The following HECTD2 variants were observed in gnomAD, a reference collection of about 807,000 sequenced individuals.
HECTD2 encodes HECT domain E3 ubiquitin protein ligase 2.
In HECTD2, 35 loss-of-function variants were observed where a neutral mutation model predicts 103.2. That is an observed-to-expected ratio of 0.34 (90% CI 0.26 to 0.45). HECTD2 has a LOEUF of 0.45. Ranked by LOEUF, HECTD2 falls within the 20% of genes least tolerant of loss-of-function variation. HECTD2 has a pLI of 1.00. For synonymous variants in HECTD2, 281 were observed against 329.9 expected (o/e 0.85, Z 1.61); for missense variants, 596 against 937.4 (o/e 0.64, Z 4.76).
intron 5 of HECTD2, among the ~76,000 whole-genome samples, chr10:91,464,074 C>T (rs1845448025): frequency 6.6e-6 from 1 of 152,170 alleles, no homozygotes; most frequent in African/African-American, 2.4e-5. Context: ...TTATGATCTT[C>T]AGCAGAATGA....
At position 91,478,210 on chromosome 10, in the gene HECTD2, G is replaced by A. The variant is rs369284664; in HGVS notation, c.610G>A (p.Val204Ile). 5.8e-5 allele frequency: 93 copies of A among 1,609,068 alleles called. 1 individual carries two copies. Among genetic ancestry groups the A allele is most frequent in the Admixed American group, 6.7e-5 (4 of 59,974 alleles). ...TTTCTTTTGCCTACAGCCTCAAGAC[G>A]TTCAGAAGACAGTATTAAAGGGAAT... is the stretch of plus-strand genomic sequence containing the variant. ...YDTLLNTPQD[V>I]QKTVLKGIIN... is the part of the protein sequence containing the mutation. Residue 204 changes from valine to isoleucine, a missense_variant, in exon 6 of 21, where the codon GTT (valine) becomes ATT (isoleucine). Val to Ile is a conservative substitution (Grantham distance 29). Transcript: ENST00000298068.
intron 4 of HECTD2, 78 bp from the exon 5 acceptor site, chr10:91,462,017 G>T: frequency 1.9e-6 from 2 of 1,031,808 alleles, no homozygotes; most frequent in Non-Finnish European, 2.8e-6. Flanking sequence ...AAATTATGAA[G>T]GAATAGTATG....
At chr10:91,492,695 A>G (rs1156265271) in intron 13 of HECTD2, among the ~76,000 whole-genome samples, 1 of 152,176 alleles carries the variant, frequency 6.6e-6, no homozygotes, top group South Asian at 2.1e-4. Flanking sequence ...ATCCTACACA[A>G]AATGTATCAA....
At chr10:91,495,338 TC>T (rs1846627167) in intron 14 of HECTD2, among the ~76,000 whole-genome samples, 1 of 152,046 alleles carries the variant, frequency 6.6e-6, no homozygotes, top group South Asian at 2.1e-4. Flanking sequence ...GTATTGTGTT[TC>T]TAATACAATT....
upstream of HECTD2, among the ~76,000 whole-genome samples, chr10:91,409,737 G>T (rs756431313): frequency 6.6e-6 from 1 of 152,170 alleles, no homozygotes; most frequent in African/African-American, 2.4e-5. Context: ...TCCCCGGGCT[G>T]CGCAAGCTCC....
At chr10:91,426,392 A>G (rs1220144711) in intron 2 of HECTD2, among the ~76,000 whole-genome samples, 2 of 152,104 alleles carry the variant, frequency 1.3e-5, no homozygotes, top group East Asian at 1.9e-4. Context: ...TTTCTGGTAA[A>G]TCACCCATGT....
At chr10:91,418,389 T>C (rs954369384) in intron 1 of HECTD2, among the ~76,000 whole-genome samples, 2 of 152,242 alleles carry the variant, frequency 1.3e-5, no homozygotes, top group Non-Finnish European at 2.9e-5. Flanking sequence ...GCTTCAGGAC[T>C]AATGTTTGTA....
At chr10:91,465,556 T>C (rs948092007) in intron 5 of HECTD2, among the ~76,000 whole-genome samples, 4 of 151,332 alleles carry the variant, frequency 2.6e-5, no homozygotes, top group African/African-American at 7.3e-5. Context: ...ATGTTAGCTG[T>C]AGGGTTTTTT....
chr10:91,503,279 AT>A (rs1320419460), intron 20 of HECTD2, among the ~76,000 whole-genome samples: 2 of 152,210 alleles, frequency 1.3e-5, no homozygotes, highest in Non-Finnish European at 2.9e-5. Context: ...AGGAGCCAAG[AT>A]GGCCGAATAG....
Position 91,462,132 on chromosome 10 carries a change from C to G in HECTD2, c.548C>G (p.Ser183Cys), listed in dbSNP as rs749067341. The G allele has an allele frequency of 6.3e-7, 1 of 1,597,328 alleles. No individual in the cohort carries two copies. The highest frequency in any genetic ancestry group is 8.6e-7 in the Non-Finnish European group (1 of 1,166,674). Reference sequence around the variant, plus strand: ...GCCTCATTTAACACCATTGAAGACTCTGGGATTAATGCTAAATTTGTGAAT... The same window carrying G: ...GCCTCATTTAACACCATTGAAGACTGTGGGATTAATGCTAAATTTGTGAAT... ...ATASFNTIED[S>C]GINAKFVNAV... Residue 183 changes from serine (S) to cysteine (C), a missense_variant, in exon 5 of 21, where the codon TCT becomes TGT. Physicochemically the swap from Ser to Cys is moderately radical, Grantham distance 112. Around this residue, in one of 4 missense-constraint regions of HECTD2, gnomAD observed 303 missense variants for 522.5 expected, o/e 0.58. Transcript: ENST00000298068.
intron 5 of HECTD2, chr10:91,463,570 A>G (rs1357869886): frequency 6.6e-6 from 1 of 152,156 alleles, no homozygotes; most frequent in African/African-American, 2.4e-5. Flanking sequence ...GGAGAGTTTT[A>G]TCTCCTTCTA....
At position 91,487,409 on chromosome 10, in the gene HECTD2, A is replaced by T; in HGVS notation, c.1095-273A>T. Reference sequence around the variant, plus strand: ...ACAGGTGATGATATACAATGAAATTATTTGTATAGACAATGTAAGTGGTTA... The same window carrying T: ...ACAGGTGATGATATACAATGAAATTTTTTGTATAGACAATGTAAGTGGTTA... On this transcript the variant is annotated intron_variant, in intron 10 of 20. Coordinates refer to ENST00000298068, the MANE Select transcript of HECTD2 (RefSeq NM_182765.6). This position sits in a 1 kb window ranked among gnomAD's most constrained non-coding sequence, Gnocchi z 4.1. The T allele has an allele frequency of 2.5e-6, 1 of 400,398 alleles. No homozygotes were observed. The highest frequency in any genetic ancestry group is 4.7e-6 in the Non-Finnish European group (1 of 212,410). 24.8% of individuals were successfully genotyped at this position (400,398 alleles called of 1,614,324 possible).
intron 2 of HECTD2, among the ~76,000 whole-genome samples, chr10:91,447,691 T>A: frequency 4.3e-5 from 2 of 46,224 alleles, no homozygotes; most frequent in Non-Finnish European, 8.2e-5. Flanking sequence ...CCCACACAAA[T>A]GGAAAGCAAA....
At chr10:91,502,625 T>C (rs1016123894) in intron 20 of HECTD2, among the ~76,000 whole-genome samples, 1 of 152,094 alleles carries the variant, frequency 6.6e-6, no homozygotes, top group African/African-American at 2.4e-5. Context: ...TATAATTAAA[T>C]TTCTAAACAA....
At chr10:91,419,705 C>A (rs183867907) in intron 1 of HECTD2, among the ~76,000 whole-genome samples, 86 of 152,090 alleles carry the variant, frequency 5.7e-4, no homozygotes, top group Middle Eastern at 6.8e-3. Context: ...TTGAGTATTT[C>A]TTTCCCTCAA....
intron 20 of HECTD2, among the ~76,000 whole-genome samples, chr10:91,508,786 A>T (rs1847300620): frequency 6.6e-6 from 1 of 151,918 alleles, no homozygotes; most frequent in Non-Finnish European, 1.5e-5. Flanking sequence ...ATATACCCAA[A>T]GGACTATAAA....
intron 15 of HECTD2, among the ~76,000 whole-genome samples, chr10:91,497,478 T>C (rs1174840722): frequency 8.5e-6 from 1 of 117,868 alleles, no homozygotes; most frequent in Non-Finnish European, 1.7e-5. Flanking sequence ...TTTTTTTTTT[T>C]TTTTGGATTT....
chr10:91,501,434 T>TA, intron 20 of HECTD2, 100 bp downstream of exon 20: 3 of 672,644 alleles, frequency 4.5e-6, no homozygotes, highest in Non-Finnish European at 7.0e-6. Context: ...CGTTTGAAGT[T>TA]ATTTTCATAG....
At chr10:91,430,766 T>C (rs951092567) in intron 2 of HECTD2, among the ~76,000 whole-genome samples, 54 of 152,280 alleles carry the variant, frequency 3.5e-4, no homozygotes, top group African/African-American at 1.3e-3. Flanking sequence ...TTTGAGCCCA[T>C]GTCTGTCTCT....
Sources: allele counts gnomAD v4.1 joint callset (sites outside exome capture counted in the v4.1 genomes callset), GRCh38; gene constraint gnomAD v4.1.1; regional missense constraint gnomAD v4.1.1; non-coding constraint Gnocchi (gnomAD v3.1); transcripts MANE v1.5; gene names NCBI Gene and HGNC (gene_info 2026-07-23, HGNC 2026-07-21).